The following ANKRD10 variants were observed in gnomAD, a reference collection of about 807,000 sequenced individuals.
ANKRD10 encodes the protein ankyrin repeat domain-containing protein 10.
A neutral mutation model predicts 27.0 loss-of-function variants in ANKRD10; 14 were observed. That is an observed-to-expected ratio of 0.52 (90% CI 0.34 to 0.81). ANKRD10 has a LOEUF of 0.81. Among genes scored for constraint, ANKRD10 ranks in the 40% least tolerant of loss-of-function variants. ANKRD10 has a pLI of 0.01. For missense variants in ANKRD10, 493 were observed against 544.0 expected (o/e 0.91, Z 0.93); for synonymous variants, 250 against 224.5 (o/e 1.11, Z -1.01).
chr13:110,892,889 A>G (rs1190292901), intron 4 of ANKRD10, 139 bp downstream of exon 4: 10 of 1,444,174 alleles, frequency 6.9e-6, no homozygotes, highest in Non-Finnish European at 9.1e-7. Context: ...AGAAATCTCC[A>G]CCGTCACCGC....
At chr13:110,890,120 C>T (rs541553775) in intron 4 of ANKRD10, among the ~76,000 whole-genome samples, 2 of 152,130 alleles carry the variant, frequency 1.3e-5, no homozygotes, top group African/African-American at 4.8e-5. Context: ...ACTTAAAACA[C>T]ACATTTAAAC....
At position 110,884,334 on chromosome 13, in the gene ANKRD10, G is replaced by A. The variant is rs79795347; in HGVS notation, c.692-541C>T. Among the ~76,000 whole-genome samples, 38 of 152,278 alleles carry A rather than the reference G, an allele frequency of 2.5e-4. No homozygotes were observed. The East Asian group carries it at 6.5e-3, about 26-fold the overall frequency. On this transcript the variant is annotated intron_variant, in intron 4 of 5. Coordinates refer to ENST00000267339, the MANE Select transcript of ANKRD10 (RefSeq NM_017664.4). The stretch of plus-strand genomic sequence containing the variant: ...ATAATTACACCAAAATACAGAAAGC[G>A]TTAGAAATGTGAAGCTAAAGCTACA...
intron 2 of ANKRD10, among the ~76,000 whole-genome samples, chr13:110,907,496 T>C (rs1190873353): frequency 1.3e-5 from 2 of 152,016 alleles, no homozygotes; most frequent in Admixed American, 1.3e-4. Context: ...AAACATGAGG[T>C]GAGGGCCACC....
chr13:110,914,354 G>T (rs949232359), intron 1 of ANKRD10, among the ~76,000 whole-genome samples: 2 of 152,108 alleles, frequency 1.3e-5, no homozygotes, highest in African/African-American at 4.8e-5. Context: ...CCTCCGGCCC[G>T]GCCTGGAGGG....
chr13:110,895,685 C>T (rs185385954), intron 3 of ANKRD10, among the ~76,000 whole-genome samples: 140 of 152,300 alleles, frequency 9.2e-4, no homozygotes, highest in African/African-American at 3.2e-3. Flanking sequence ...AAAGCACATT[C>T]GATTCCTTTA....
At chr13:110,891,819 T>C (rs562904647) in intron 4 of ANKRD10, among the ~76,000 whole-genome samples, 2 of 150,870 alleles carry the variant, frequency 1.3e-5, no homozygotes, top group South Asian at 4.2e-4. Flanking sequence ...CCTCTCCCCC[T>C]AAGTTCACTA....
chr13:110,895,071 A>G (rs930347005), intron 3 of ANKRD10: 12 of 152,208 alleles, frequency 7.9e-5, no homozygotes. Flanking sequence ...CCACATGAAA[A>G]TTCAAAAACT....
At chr13:110,912,237 G>A (rs956205134) in intron 1 of ANKRD10, among the ~76,000 whole-genome samples, 1 of 152,152 alleles carries the variant, frequency 6.6e-6, no homozygotes, top group Admixed American at 6.5e-5. Flanking sequence ...TCTTCAAGAG[G>A]AGAGACCTCA....
Position 110,893,134 on chromosome 13 carries a change from A to AT in ANKRD10, c.584dup (p.Asn195LysfsTer10). The AT allele has an allele frequency of 1.2e-6, 2 of 1,614,192 alleles. No homozygotes were observed. Among genetic ancestry groups the AT allele is most frequent in the Non-Finnish European group, 1.7e-6 (2 of 1,180,024 alleles). On this transcript the variant is annotated frameshift_variant, in exon 4 of 6. Transcript: ENST00000267339. LOFTEE classifies it high-confidence loss of function. ...TAGGAAATACATTCTGATGACCCCC[A>AT]TTTAAGATGCCATTGTTATAGAAAT...
chr13:110,911,057 T>C (rs1289053314), intron 1 of ANKRD10, among the ~76,000 whole-genome samples: 3 of 152,190 alleles, frequency 2.0e-5, no homozygotes, highest in African/African-American at 7.2e-5. Flanking sequence ...TAAGCCAAAA[T>C]CAGAAAATAT....
intron 3 of ANKRD10, among the ~76,000 whole-genome samples, chr13:110,898,567 GTTTT>G (rs1217380499): frequency 6.6e-6 from 1 of 151,684 alleles, no homozygotes; most frequent in African/African-American, 2.4e-5. Context: ...CAATCCACAG[GTTTT>G]TTTGTCTGTT....
At chr13:110,906,207 G>A (rs2065528171) in intron 2 of ANKRD10, 83 bp from the exon 3 acceptor site, 2 of 1,042,556 alleles carry the variant, frequency 1.9e-6, no homozygotes, top group Non-Finnish European at 2.8e-6. Flanking sequence ...ACACAGATCA[G>A]AGACCTTCTC....
intron 1 of ANKRD10, chr13:110,911,598 AC>A (rs1288410073): frequency 5.9e-5 from 9 of 151,920 alleles, no homozygotes; most frequent in African/African-American, 1.5e-4. Flanking sequence ...GAAACCCCAT[AC>A]TGGGGTTTCA....
In ANKRD10 at chr13:110,911,948, T is replaced by TCAAA. The variant is rs2065725075; in HGVS notation, c.211-1179_211-1178insTTTG. Among the ~76,000 whole-genome samples, 8 of 152,358 alleles carry TCAAA rather than the reference T, an allele frequency of 5.3e-5. No homozygotes were observed. In the East Asian group the frequency reaches 1.5e-3, roughly 29 times the overall value. The stretch of plus-strand genomic sequence containing the variant: ...AGAGGCCCCATTCTCCACATTTTTT[T>TCAAA]ACTCTTTTCAAAACCCTATGGGGGA... On this transcript the variant is annotated intron_variant, in intron 1 of 5. Coordinates refer to ENST00000267339, the MANE Select transcript of ANKRD10 (RefSeq NM_017664.4).
rs781780498 is a variant in ANKRD10 at position 110,893,204 on chromosome 13, T to C, written c.515A>G (p.Glu172Gly). Residue 172 changes from glutamate to glycine, a missense_variant, in exon 4 of 6, where the codon GAG becomes GGG. By Grantham distance (98) the Glu-to-Gly change is moderately conservative. Coordinates refer to ENST00000267339, the MANE Select transcript of ANKRD10 (RefSeq NM_017664.4). ...ADIAQTQGFQ[E>G]CAQFLLNLQN... ...GAGGTTCAAGAGAAACTGGGCACAC[T>C]CTTGGAAACCCTGGGTTTGTGCAAT... The C allele has an allele frequency of 6.2e-7, 1 of 1,614,180 alleles. No homozygotes were observed. Among genetic ancestry groups the C allele is most frequent in the Non-Finnish European group, 8.5e-7 (1 of 1,180,018 alleles).
chr13:110,903,210 T>C (rs1356770446), intron 3 of ANKRD10, among the ~76,000 whole-genome samples: 6 of 152,290 alleles, frequency 3.9e-5, no homozygotes, highest in South Asian at 4.1e-4. Flanking sequence ...GGAACTACCA[T>C]ATAAGCAAGA....
Position 110,911,159 on chromosome 13 carries a change from C to T in ANKRD10, c.211-389G>A, listed in dbSNP as rs116069584. Among the ~76,000 whole-genome samples the T allele has an allele frequency of 9.9e-3, 1,512 of 152,300 alleles. 21 individuals are homozygous for T. The highest frequency in any genetic ancestry group is 0.033 in the African/African-American group (1,360 of 41,566). ...TTAAAGGGATTGGTGGGTTAAAAAA[C>T]TTTGTGTAGGCCGGGCGCAGTGGCT... On this transcript the variant is annotated intron_variant, in intron 1 of 5. Transcript: ENST00000267339.
At chr13:110,886,594 G>A (rs2138826060) in intron 4 of ANKRD10, among the ~76,000 whole-genome samples, 1 of 152,248 alleles carries the variant, frequency 6.6e-6, no homozygotes, top group Admixed American at 6.5e-5. Flanking sequence ...TATGTTGTAA[G>A]CCATGAAATT....
chr13:110,890,763 G>A (rs1394563219), intron 4 of ANKRD10, among the ~76,000 whole-genome samples: 1 of 151,514 alleles, frequency 6.6e-6, no homozygotes, highest in Non-Finnish European at 1.5e-5. Flanking sequence ...TAGCACCCTC[G>A]GGCTTGGGAC....
Sources: allele counts gnomAD v4.1 joint callset (sites outside exome capture counted in the v4.1 genomes callset), GRCh38; gene constraint gnomAD v4.1.1; transcripts MANE v1.5; gene names NCBI Gene and HGNC (gene_info 2026-07-23, HGNC 2026-07-21).